ZMYND11: variants seen among roughly 807,000 people sequenced by gnomAD.
ZMYND11 encodes the protein zinc finger MYND-type containing 11.
A neutral mutation model predicts 84.9 loss-of-function variants in ZMYND11; 9 were observed. The observed-to-expected ratio is 0.11, with a 90% CI of 0.06 to 0.18. ZMYND11 has a LOEUF of 0.18. Ranked by LOEUF, ZMYND11 falls within the 10% of genes least tolerant of loss-of-function variation. ZMYND11 has a pLI of 1.00. For missense variants in ZMYND11, 409 were observed against 761.0 expected (o/e 0.54, Z 5.44); for synonymous variants, 250 against 244.1 (o/e 1.02, Z -0.23).
intron 3 of ZMYND11, chr10:218,377 C>A: frequency 4.9e-6 from 1 of 203,968 alleles, no homozygotes; most frequent in Non-Finnish European, 1.1e-5. Flanking sequence ...GTGTGAAATC[C>A]CTTTAGCCCT....
chr10:136,852 G>A (rs1402336685), intron 1 of ZMYND11, among the ~76,000 whole-genome samples: 1 of 152,034 alleles, frequency 6.6e-6, no homozygotes, highest in African/African-American at 2.4e-5. Flanking sequence ...GCGGTTCCCG[G>A]TATTTTGTGC....
At chr10:179,465 T>C (rs1435208620) in intron 1 of ZMYND11, among the ~76,000 whole-genome samples, 1 of 152,220 alleles carries the variant, frequency 6.6e-6, no homozygotes, top group African/African-American at 2.4e-5. Flanking sequence ...TCCCTCAACC[T>C]TTCACATCTC....
intron 2 of ZMYND11, among the ~76,000 whole-genome samples, chr10:202,609 C>T (rs1218481613): frequency 6.6e-6 from 1 of 152,080 alleles, no homozygotes; most frequent in Non-Finnish European, 1.5e-5. Context: ...CTTAGTTTTG[C>T]GTTGTTGTCA....
chr10:225,462 C>T (rs1299251996), intron 4 of ZMYND11, among the ~76,000 whole-genome samples: 2 of 152,162 alleles, frequency 1.3e-5, no homozygotes, highest in African/African-American at 4.8e-5. Context: ...CTCCTCCTGC[C>T]TCAGCTTCTG....
At chr10:246,224 A>G (rs1313780901) in intron 10 of ZMYND11, among the ~76,000 whole-genome samples, 1 of 152,236 alleles carries the variant, frequency 6.6e-6, no homozygotes, top group East Asian at 1.9e-4. Context: ...TCTAATGAGT[A>G]GAGGCATGAT....
intron 1 of ZMYND11, among the ~76,000 whole-genome samples, chr10:163,217 G>T (rs577198605): frequency 1.3e-5 from 2 of 151,978 alleles, no homozygotes; most frequent in South Asian, 4.2e-4. Context: ...TTTTATGACC[G>T]CTCCCCATCA....
At chr10:187,093 G>C (rs984391610) in intron 2 of ZMYND11, among the ~76,000 whole-genome samples, 1 of 152,044 alleles carries the variant, frequency 6.6e-6, no homozygotes, top group Admixed American at 6.6e-5. Flanking sequence ...GCCAAGCATG[G>C]TGGTGCGTGC....
intron 1 of ZMYND11, among the ~76,000 whole-genome samples, chr10:161,105 G>A (rs149185211): frequency 0.015 from 2,311 of 152,088 alleles, 32 homozygotes; most frequent in Non-Finnish European, 0.024. Context: ...GGGATTACAG[G>A]TGTGAGCCAC....
chr10:158,241 G>C (rs183727999), intron 1 of ZMYND11, among the ~76,000 whole-genome samples: 197 of 152,164 alleles, frequency 1.3e-3, no homozygotes, highest in African/African-American at 4.5e-3. Flanking sequence ...TATATATGTA[G>C]GAGTGGAATT....
chr10:232,739 G>A (rs183551432), intron 4 of ZMYND11, among the ~76,000 whole-genome samples: 1 of 152,288 alleles, frequency 6.6e-6, no homozygotes, highest in African/African-American at 2.4e-5. Context: ...GTGAAATTCC[G>A]TTTGGTCAGT....
intron 3 of ZMYND11, among the ~76,000 whole-genome samples, chr10:218,226 G>C (rs1946518484): frequency 6.6e-6 from 1 of 152,096 alleles, no homozygotes; most frequent in Non-Finnish European, 1.5e-5. Context: ...TAGTTGAAAC[G>C]TTTCCTCTAC....
upstream of ZMYND11, among the ~76,000 whole-genome samples, chr10:131,941 G>C (rs185545106): frequency 5.4e-4 from 82 of 152,174 alleles, no homozygotes; most frequent in African/African-American, 1.5e-3. Context: ...CAGCTTTCTA[G>C]TTTCAAAAAC....
intron 2 of ZMYND11, among the ~76,000 whole-genome samples, chr10:187,954 A>C (rs537803606): frequency 6.6e-6 from 1 of 152,178 alleles, no homozygotes; most frequent in Admixed American, 6.5e-5. Flanking sequence ...AATGGAAACA[A>C]ATTAGTCATT....
At chr10:248,848 G>A (rs1210065097) in intron 13 of ZMYND11, 55 bp from the exon 14 acceptor site, 37 of 1,555,944 alleles carry the variant, frequency 2.4e-5, no homozygotes, top group Non-Finnish European at 3.2e-5. Flanking sequence ...TTCCAGTGTA[G>A]ATGGTCTGTG....
chr10:209,749 C>T (rs888327029), intron 2 of ZMYND11, 140 bp from the exon 3 acceptor site: 12 of 94,362 alleles, frequency 1.3e-4, no homozygotes, highest in Non-Finnish European at 1.8e-4. Context: ...CGTGTTCGTT[C>T]TTTATCTTGT....
chr10:243,642 G>C (rs1239654465), intron 10 of ZMYND11, among the ~76,000 whole-genome samples: 1 of 152,178 alleles, frequency 6.6e-6, no homozygotes, highest in Non-Finnish European at 1.5e-5. Context: ...GAGGCGGCTG[G>C]ATCATGAGGT....
intron 14 of ZMYND11, 145 bp downstream of exon 14, chr10:249,233 A>T (rs1310996507): frequency 1.4e-6 from 2 of 1,467,788 alleles, no homozygotes; most frequent in Non-Finnish European, 1.8e-6. Flanking sequence ...AGTTTTAAAA[A>T]TTTTATTAAA....
At chr10:183,807 C>T (rs776354340) in intron 2 of ZMYND11, among the ~76,000 whole-genome samples, 2 of 152,168 alleles carry the variant, frequency 1.3e-5, no homozygotes, top group Non-Finnish European at 2.9e-5. Flanking sequence ...GGAGCCTGTG[C>T]AGTGCTGGCT....
intron 4 of ZMYND11, among the ~76,000 whole-genome samples, chr10:229,426 T>C (rs553625456): frequency 6.6e-6 from 1 of 152,310 alleles, no homozygotes; most frequent in South Asian, 2.1e-4. Flanking sequence ...ACTTGAATTC[T>C]TATAAGTTAA....
Sources: allele counts gnomAD v4.1 joint callset (sites outside exome capture counted in the v4.1 genomes callset), GRCh38; gene constraint gnomAD v4.1.1; transcripts MANE v1.5; gene names NCBI Gene and HGNC (gene_info 2026-07-23, HGNC 2026-07-21).